Variants in SVIL observed in about 807,000 individuals in gnomAD.
SVIL encodes the protein supervillin, also known as archvillin.
Under a neutral mutation model 240.4 loss-of-function variants are expected in SVIL, and 101 were observed. That is an observed-to-expected ratio of 0.42 (90% CI 0.36 to 0.50). SVIL has a LOEUF of 0.50. Ranked by LOEUF, SVIL falls within the 20% of genes least tolerant of loss-of-function variation. The pLI is 0.01. For missense variants in SVIL, 2,512 were observed against 2,818.7 expected, an observed-to-expected ratio of 0.89 and a Z score of 2.46; for synonymous variants, 999 against 1,100.0, an observed-to-expected ratio of 0.91 and a Z score of 1.82.
intron 1 of SVIL, among the ~76,000 whole-genome samples, chr10:29,574,784 G>A (rs547454170): frequency 3.3e-5 from 5 of 152,160 alleles, no homozygotes; most frequent in Non-Finnish European, 5.9e-5. Flanking sequence ...CATGGATGTC[G>A]CTGGTAAAGG....
chr10:29,651,412 C>T (rs956118098), intron 3 of SVIL, among the ~76,000 whole-genome samples: 6 of 152,190 alleles, frequency 3.9e-5, no homozygotes, highest in African/African-American at 1.4e-4. Flanking sequence ...CTTCTCTTAT[C>T]ATGGTCATGG....
chr10:29,674,980 A>G (rs1457789464), intron 2 of SVIL, among the ~76,000 whole-genome samples: 1 of 152,216 alleles, frequency 6.6e-6, no homozygotes, highest in African/African-American at 2.4e-5. Context: ...ATAGTCCAGG[A>G]TAATCTCCCC....
intron 14 of SVIL, 148 bp from the exon 15 acceptor site, chr10:29,524,175 T>TATA: frequency 1.0e-6 from 1 of 966,690 alleles, no homozygotes; most frequent in Non-Finnish European, 1.5e-6. Context: ...GACATAGTTA[T>TATA]ATAATACGTC....
intron 2 of SVIL, among the ~76,000 whole-genome samples, chr10:29,674,682 C>T (rs1379995976): frequency 6.6e-6 from 1 of 152,312 alleles, no homozygotes; most frequent in Non-Finnish European, 1.5e-5. Context: ...TAAAACAACA[C>T]AAATTCTTAT....
chr10:29,577,078 A>G (rs546230119), intron 1 of SVIL, among the ~76,000 whole-genome samples: 138 of 151,946 alleles, frequency 9.1e-4, no homozygotes, highest in Non-Finnish European at 1.6e-3. Context: ...ACGGGTTTTC[A>G]CCATGTTGAC....
At chr10:29,480,059 C>G (rs1367344569) in intron 29 of SVIL, among the ~76,000 whole-genome samples, 9 of 152,194 alleles carry the variant, frequency 5.9e-5, no homozygotes, top group Admixed American at 3.3e-4. Context: ...CTCTCAGTCT[C>G]GGGAGAAACA....
chr10:29,550,381 G>A (rs545373595), intron 6 of SVIL, among the ~76,000 whole-genome samples: 1 of 151,762 alleles, frequency 6.6e-6, no homozygotes, highest in Admixed American at 6.6e-5. Context: ...GTTCCAGGCT[G>A]CAGTGAGCTA....
Position 29,687,127 on chromosome 10 carries a change from C to G in SVIL, c.-399-476G>C, listed in dbSNP as rs181260532. 1.1e-3 allele frequency among the ~76,000 whole-genome samples: 160 copies of G among 152,294 alleles called. 1 individual carries two copies. Among genetic ancestry groups the G allele is most frequent in the African/African-American group, 3.3e-3 (137 of 41,556 alleles). ...GGTAAGTAAACTTTTTGCTGCCCTC[C>G]CATAAACAAGGACATGCCAATTGTA... On this transcript the variant is annotated intron_variant, in intron 1 of 35. Coordinates refer to the SVIL transcript ENST00000375400.
intron 33 of SVIL, among the ~76,000 whole-genome samples, chr10:29,466,195 ATG>A (rs1343001175): frequency 6.6e-6 from 1 of 151,470 alleles, no homozygotes; most frequent in Non-Finnish European, 1.5e-5. Context: ...AGATATATGT[ATG>A]TGTATATCAC....
intron 1 of SVIL, among the ~76,000 whole-genome samples, chr10:29,629,591 G>C (rs1487904487): frequency 6.7e-6 from 1 of 150,064 alleles, no homozygotes; most frequent in Non-Finnish European, 1.5e-5. Context: ...TTGGGCACAT[G>C]GTATGTGCCC....
chr10:29,605,670 G>GT (rs1956992946), intron 1 of SVIL, among the ~76,000 whole-genome samples: 1 of 148,368 alleles, frequency 6.7e-6, no homozygotes, highest in African/African-American at 2.5e-5. Flanking sequence ...TCTTTAGTGG[G>GT]TTTTTTCCCC....
At chr10:29,678,176 T>C (rs1308997458) in intron 2 of SVIL, among the ~76,000 whole-genome samples, 1 of 152,016 alleles carries the variant, frequency 6.6e-6, no homozygotes, top group African/African-American at 2.4e-5. Flanking sequence ...ATTACATTTA[T>C]TGTGCAATTT....
rs148334642 is a variant in SVIL at position 29,473,298 on chromosome 10, C to T, written c.5529+540G>A. On this transcript the variant is annotated intron_variant, in intron 30 of 37. Coordinates refer to ENST00000355867, the MANE Select transcript of SVIL (RefSeq NM_021738.3). ...CCACGAATACAGGTGATGGGCGTTC[C>T]CAATCCTTACATTCACCTGATACTT... Among the ~76,000 whole-genome samples, 730 of 152,292 alleles carry T rather than the reference C, an allele frequency of 4.8e-3. 6 individuals are homozygous for T. The highest frequency in any genetic ancestry group is 0.017 in the African/African-American group (701 of 41,560).
intron 1 of SVIL, among the ~76,000 whole-genome samples, chr10:29,731,982 G>A (rs1456164643): frequency 6.6e-6 from 1 of 152,338 alleles, no homozygotes; most frequent in South Asian, 2.1e-4. Context: ...TGGAAGCGAC[G>A]GCCCAGCGCA....
In SVIL at chr10:29,521,346, T is replaced by C. The variant is rs551097987; in HGVS notation, c.3389+1064A>G. ...AAAAATAAGAGTGGTCAGTGAAGCC[T>C]GCAGACTTCCGTGTGGTGGGAGGTG... On this transcript the variant is annotated intron_variant, in intron 16 of 37. Coordinates refer to ENST00000355867, the MANE Select transcript of SVIL (RefSeq NM_021738.3). Among the ~76,000 whole-genome samples, 7 of 152,152 alleles carry C rather than the reference T, an allele frequency of 4.6e-5. No homozygotes were observed. The South Asian group carries it at 1.5e-3, about 32-fold the overall frequency.
intron 1 of SVIL, among the ~76,000 whole-genome samples, chr10:29,724,723 CT>C (rs1024168121): frequency 6.6e-6 from 1 of 152,042 alleles, no homozygotes; most frequent in African/African-American, 2.4e-5. Context: ...TATTTTTGGA[CT>C]TAAAAACTGA....
intron 16 of SVIL, among the ~76,000 whole-genome samples, chr10:29,513,993 A>C (rs1950035231): frequency 6.6e-6 from 1 of 152,126 alleles, no homozygotes. Context: ...TAAAAAAAAA[A>C]AAAAAAGGTG....
At chr10:29,693,960 C>G (rs1174690431) in intron 1 of SVIL, among the ~76,000 whole-genome samples, 1 of 151,522 alleles carries the variant, frequency 6.6e-6, no homozygotes, top group Non-Finnish European at 1.5e-5. Context: ...TACATACATA[C>G]ATAGATACAT....
rs540326068 is a variant in SVIL, at chr10:29,480,474, G to A, written c.5377+63C>T. On this transcript the variant is annotated intron_variant, in intron 29 of 37. Transcript: ENST00000355867. ...CATGACAGGGTTCATTGGAGAAGCT[G>A]GCTCCCGCAGGGCTGCCGGGCCAGC... 46 of 1,582,210 alleles carry A rather than the reference G, an allele frequency of 2.9e-5. No homozygotes were observed. In the South Asian group the frequency reaches 4.8e-4, roughly 16 times the overall value.
Sources: gnomAD v4.1 joint callset for allele counts (sites outside exome capture counted in the v4.1 genomes callset) on GRCh38, gnomAD v4.1.1 for gene constraint, MANE v1.5 for transcripts, NCBI Gene and HGNC (gene_info 2026-07-23, HGNC 2026-07-21) for gene names.